DDX10: variants seen among roughly 807,000 people sequenced by gnomAD.
DDX10 encodes DEAD-box helicase 10, also known as probable ATP-dependent RNA helicase DDX10.
DDX10 carries 74 observed loss-of-function variants against 104.3 expected under a neutral mutation model. The observed-to-expected ratio is 0.71, with a 90% CI of 0.59 to 0.86. The LOEUF (loss-of-function observed/expected upper bound fraction) is 0.86, where lower values mean the gene tolerates loss of function less well. DDX10 is among the 40% of genes least tolerant of loss of function. The pLI is 0.00. For missense variants in DDX10, 952 were observed against 1,040.0 expected, an observed-to-expected ratio of 0.92 and a Z score of 1.16; for synonymous variants, 351 against 353.4, an observed-to-expected ratio of 0.99 and a Z score of 0.08.
At position 108,665,190 on chromosome 11, in the gene DDX10, C is replaced by T. The variant is rs1389190811; in HGVS notation, c.37C>T (p.Arg13Ter). 2 of 1,611,948 alleles carry T rather than the reference C, an allele frequency of 1.2e-6. No homozygotes were observed. The highest frequency in any genetic ancestry group is 2.7e-5 in the African/African-American group (2 of 74,798). ...KTANSPGSGARPDPVRSFNRW... is the reference protein window; with the variant it reads ...KTANSPGSGA The stretch of plus-strand genomic sequence containing the variant: ...GGCCAACTCTCCGGGTTCGGGAGCC[C>T]GACCCGACCCGGTGCGGAGCTTCAA... The change falls in exon 1 of 18, where the codon CGA becomes TGA. Residue 13 changes from arginine to a stop codon, truncating the protein, a stop_gained. Transcript: ENST00000322536. LOFTEE classifies it high-confidence loss of function.
chr11:108,699,825 G>A (rs75355917), intron 9 of DDX10, among the ~76,000 whole-genome samples: 2,118 of 152,280 alleles, frequency 0.014, 30 homozygotes, highest in Non-Finnish European at 0.02. Context: ...AGTGAAACAA[G>A]AAGAGGTGTG....
rs570430440 is a variant in DDX10 at position 108,822,155 on chromosome 11, C to T, written c.1966-16291C>T. On this transcript the variant is annotated intron_variant, in intron 13 of 17. Coordinates refer to ENST00000322536, the MANE Select transcript of DDX10 (RefSeq NM_004398.4). Reference sequence around the variant, plus strand: ...GAATTGCTATTAAAATTCAAAAAAACAAACATATTCATCTAACCACAGGCC... The same window carrying T: ...GAATTGCTATTAAAATTCAAAAAAATAAACATATTCATCTAACCACAGGCC... Among the ~76,000 whole-genome samples, 3 of 152,238 alleles carry T rather than the reference C, an allele frequency of 2.0e-5. No individual in the cohort carries two copies. The South Asian group carries it at 6.2e-4, about 32-fold the overall frequency.
At chr11:108,816,698 G>T (rs1862260255) in intron 13 of DDX10, among the ~76,000 whole-genome samples, 1 of 151,894 alleles carries the variant, frequency 6.6e-6, no homozygotes, top group Non-Finnish European at 1.5e-5. Flanking sequence ...GATTACAGGT[G>T]CCCACCACCA....
At chr11:108,881,403 T>C (rs2134632281) in intron 16 of DDX10, among the ~76,000 whole-genome samples, 1 of 152,328 alleles carries the variant, frequency 6.6e-6, no homozygotes, top group East Asian at 1.9e-4. Flanking sequence ...AAATAAGCCT[T>C]ATAAAACAAG....
intron 13 of DDX10, among the ~76,000 whole-genome samples, chr11:108,728,927 T>G (rs751283588): frequency 1.1e-4 from 16 of 152,178 alleles, no homozygotes; most frequent in Non-Finnish European, 2.1e-4. Context: ...GCCATTAACC[T>G]TTATTTAACC....
At position 108,874,438 on chromosome 11, in the gene DDX10, TTACTC is replaced by T. The variant is rs1241381359; in HGVS notation, c.2304+22233_2304+22237del. 3.3e-5 allele frequency among the ~76,000 whole-genome samples: 5 copies of T among 152,348 alleles called. No homozygotes were observed. The East Asian group carries it at 9.6e-4, about 29-fold the overall frequency. Reference sequence around the variant, plus strand: ...ACTCAGAAGCTCATAATTCTGTTGATTACTCTACATTGGAAAGTAATCAGAAGCAG... The same window carrying T: ...ACTCAGAAGCTCATAATTCTGTTGATTACATTGGAAAGTAATCAGAAGCAG... On this transcript the variant is annotated intron_variant, in intron 16 of 17. Transcript: ENST00000322536.
At chr11:108,722,166 T>C (rs148249727) in intron 12 of DDX10, among the ~76,000 whole-genome samples, 1 of 152,188 alleles carries the variant, frequency 6.6e-6, no homozygotes, top group Admixed American at 6.5e-5. Context: ...ACCCCAGCAG[T>C]CTTATTTCTG....
At chr11:108,930,728 C>T (rs767669324) in intron 17 of DDX10, among the ~76,000 whole-genome samples, 8 of 152,078 alleles carry the variant, frequency 5.3e-5, no homozygotes, top group Non-Finnish European at 1.0e-4. Context: ...CTGTTTTTAA[C>T]GTTTAAAATA....
At chr11:108,721,209 A>C (rs1185491842) in intron 12 of DDX10, among the ~76,000 whole-genome samples, 1 of 152,184 alleles carries the variant, frequency 6.6e-6, no homozygotes, top group Non-Finnish European at 1.5e-5. Context: ...CATAACAGGT[A>C]ATATGTCAGT....
At chr11:108,805,296 C>T (rs766964143) in intron 13 of DDX10, among the ~76,000 whole-genome samples, 1 of 152,218 alleles carries the variant, frequency 6.6e-6, no homozygotes, top group Non-Finnish European at 1.5e-5. Flanking sequence ...TGAGGCAGAA[C>T]CACATATGTT....
chr11:108,668,622 G>A (rs2094212989), intron 1 of DDX10, among the ~76,000 whole-genome samples: 1 of 152,146 alleles, frequency 6.6e-6, no homozygotes, highest in African/African-American at 2.4e-5. Context: ...TACACAGGTG[G>A]TGCTCAGTAG....
chr11:108,834,880 A>G (rs1862530728), intron 13 of DDX10, among the ~76,000 whole-genome samples: 1 of 136,102 alleles, frequency 7.3e-6, no homozygotes, highest in African/African-American at 2.7e-5. Flanking sequence ...GTGAGCCGAG[A>G]TCGCGCCACT....
chr11:108,816,146 T>A (rs964855796), intron 13 of DDX10, among the ~76,000 whole-genome samples: 1 of 152,226 alleles, frequency 6.6e-6, no homozygotes, highest in East Asian at 1.9e-4. Flanking sequence ...TTCTTGGTTG[T>A]CTTTGCTGGT....
At chr11:108,773,955 C>G (rs1474489487) in intron 13 of DDX10, among the ~76,000 whole-genome samples, 1 of 152,112 alleles carries the variant, frequency 6.6e-6, no homozygotes, top group Non-Finnish European at 1.5e-5. Context: ...TTCCCAGAGA[C>G]ACAAAGAATG....
At chr11:108,837,271 A>G (rs1317936942) in intron 13 of DDX10, among the ~76,000 whole-genome samples, 1 of 152,224 alleles carries the variant, frequency 6.6e-6, no homozygotes, top group Non-Finnish European at 1.5e-5. Context: ...CTTGTGCTCA[A>G]ATACATTTTC....
intron 16 of DDX10, among the ~76,000 whole-genome samples, chr11:108,912,709 A>G (rs1037002435): frequency 6.6e-6 from 1 of 152,206 alleles, no homozygotes; most frequent in Non-Finnish European, 1.5e-5. Flanking sequence ...ATTTGCCCAC[A>G]AGGATATTCC....
At chr11:108,766,970 C>G (rs540576501) in intron 13 of DDX10, among the ~76,000 whole-genome samples, 1 of 152,140 alleles carries the variant, frequency 6.6e-6, no homozygotes, top group African/African-American at 2.4e-5. Flanking sequence ...CCTTTTATTA[C>G]GTAATAGATG....
intron 6 of DDX10, among the ~76,000 whole-genome samples, chr11:108,687,996 T>A (rs1375964574): frequency 6.6e-6 from 1 of 152,200 alleles, no homozygotes; most frequent in Non-Finnish European, 1.5e-5. Flanking sequence ...CCTTACCTCT[T>A]TCCTTAACAG....
chr11:108,837,582 T>G (rs1183153608), intron 13 of DDX10, among the ~76,000 whole-genome samples: 3 of 150,120 alleles, frequency 2.0e-5, no homozygotes, highest in African/African-American at 7.4e-5. Flanking sequence ...GTTAAGTGTT[T>G]TCTGCATCTC....
Sources: allele counts gnomAD v4.1 joint callset (sites outside exome capture counted in the v4.1 genomes callset), GRCh38; gene constraint gnomAD v4.1.1; transcripts MANE v1.5; gene names NCBI Gene and HGNC (gene_info 2026-07-23, HGNC 2026-07-21).